SCGB2A1: variants seen among roughly 807,000 people sequenced by gnomAD.
SCGB2A1 encodes the protein secretoglobin family 2A member 1, also known as mammaglobin-B.
In SCGB2A1, 6 loss-of-function variants were observed where a neutral mutation model predicts 9.2. That is an observed-to-expected ratio of 0.66 (90% confidence interval 0.36 to 1.29). SCGB2A1 has a LOEUF of 1.29. Ranked by LOEUF, SCGB2A1 falls within the 50% of genes most tolerant of loss-of-function variation. The probability of loss-of-function intolerance (pLI) is 0.03; values close to 1 mark genes in which losing one functional copy is unlikely to be tolerated. For missense variants in SCGB2A1, 138 were observed against 116.9 expected, an observed-to-expected ratio of 1.18 and a Z score of -0.83; for synonymous variants, 37 against 41.0, an observed-to-expected ratio of 0.90 and a Z score of 0.37.
chr11:62,208,702 C>T lies in SCGB2A1; in HGVS notation c.-30C>T, dbSNP rs753823729. 1.3e-5 allele frequency: 21 copies of T among 1,612,398 alleles called. No individual in the cohort carries two copies. In the Admixed American group the frequency reaches 1.7e-4, roughly 13 times the overall value. On this transcript the variant is annotated 5_prime_UTR_variant, in exon 1 of 3. The change creates a new upstream start codon in the 5' untranslated region. Transcript: ENST00000244930. ...CAACTTCCTTGATCCCTGCCACGCA[C>T]GACTGAACACAGACAGCAGCCGCCT...
intron 2 of SCGB2A1, among the ~76,000 whole-genome samples, chr11:62,212,917 T>C (rs113519508): frequency 0.018 from 2,554 of 143,690 alleles, 90 homozygotes; most frequent in African/African-American, 0.063. Flanking sequence ...TACATATATA[T>C]ACACACACAC....
At chr11:62,211,213 C>T (rs949824900) in intron 2 of SCGB2A1, among the ~76,000 whole-genome samples, 2 of 151,702 alleles carry the variant, frequency 1.3e-5, no homozygotes, top group Admixed American at 1.3e-4. Flanking sequence ...TCTGAGCCCC[C>T]GCACCCAGCC....
chr11:62,213,516 G>T (rs1387602913), intron 2 of SCGB2A1: 11 of 514,148 alleles, frequency 2.1e-5, no homozygotes, highest in Non-Finnish European at 3.8e-5. Flanking sequence ...GTAGGGAAGA[G>T]ATCCTACAAC....
At chr11:62,208,929 A>C in intron 1 of SCGB2A1, 143 bp downstream of exon 1, 1 of 703,982 alleles carries the variant, frequency 1.4e-6, no homozygotes, top group Non-Finnish European at 2.4e-6. Flanking sequence ...GATCCCCATG[A>C]GTTCCTGACA....
intron 2 of SCGB2A1, among the ~76,000 whole-genome samples, chr11:62,213,093 T>C (rs200782382): frequency 0.074 from 1,067 of 14,472 alleles, 52 homozygotes; most frequent in African/African-American, 0.1. Flanking sequence ...TATATACACA[T>C]ATATATATAT....
intron 2 of SCGB2A1, among the ~76,000 whole-genome samples, chr11:62,211,470 G>A (rs564430007): frequency 5.0e-4 from 76 of 152,132 alleles, no homozygotes; most frequent in Middle Eastern, 3.4e-3. Context: ...CATGATCTTC[G>A]TTCACTGCAA....
rs1565121434 is a variant in SCGB2A1 at position 62,213,022 on chromosome 11, A to ACG, written c.244-703_244-702insGC. On this transcript the variant is annotated intron_variant, in intron 2 of 2. Transcript: ENST00000244930. ...TATGTACACATATATGCACATATAT[A>ACG]CATATATACACACATATATACATAT... Among the ~76,000 whole-genome samples the ACG allele has an allele frequency of 1.4e-3, 89 of 61,742 alleles. 1 individual carries two copies. The highest frequency in any genetic ancestry group is 4.3e-3 in the African/African-American group (87 of 20,318). The allele number at this position is 61,742 out of a possible 152,430, so 40.5% of individuals were successfully genotyped here.
In SCGB2A1 at chr11:62,210,421, T is replaced by G; in HGVS notation, c.64T>G (p.Cys22Gly). The G allele has an allele frequency of 1.4e-6, 2 of 1,394,132 alleles. No individual in the cohort carries two copies. The highest frequency in any genetic ancestry group is 1.6e-5 in the African/African-American group (1 of 63,358). The allele number at this position is 1,394,132 out of a possible 1,614,324, so 86.4% of individuals were successfully genotyped here. ...LLLHCYADSG[C>G]KLLEDMVEKT... The stretch of plus-strand genomic sequence containing the variant: ...TTTTTTTTTTTTTCCAGATTCTGGC[T>G]GCAAACTCCTGGAGGACATGGTTGA... The change falls in exon 2 of 3, where the codon TGC (cysteine) becomes GGC (glycine). Residue 22 changes from cysteine (C) to glycine (G), a missense_variant. Cys to Gly is a radical substitution (Grantham distance 159). Coordinates refer to ENST00000244930, the MANE Select transcript of SCGB2A1 (RefSeq NM_002407.3).
At position 62,213,775 on chromosome 11, in the gene SCGB2A1, A is replaced by G. The variant is rs1299183863; in HGVS notation, c.*5A>G. On this transcript the variant is annotated 3_prime_UTR_variant, in exon 3 of 3. Coordinates refer to ENST00000244930, the MANE Select transcript of SCGB2A1 (RefSeq NM_002407.3). ...TGTAATATGAAGAGTAATTAACTTT[A>G]CCCAAGGCGTTTGGCTCAGAGGGCT... The G allele has an allele frequency of 6.2e-7, 1 of 1,613,678 alleles. No individual in the cohort carries two copies. The highest frequency in any genetic ancestry group is 8.5e-7 in the Non-Finnish European group (1 of 1,179,746).
chr11:62,213,034 A>G (rs1944847667), intron 2 of SCGB2A1, among the ~76,000 whole-genome samples: 1 of 130,040 alleles, frequency 7.7e-6, no homozygotes, highest in East Asian at 2.0e-4. Flanking sequence ...ATATATACAC[A>G]CATATATACA....
At chr11:62,210,688 C>G in intron 2 of SCGB2A1, 88 bp downstream of exon 2, 2 of 1,013,630 alleles carry the variant, frequency 2.0e-6, no homozygotes, top group Non-Finnish European at 2.8e-6. Flanking sequence ...TGCCAAGCAA[C>G]TGGTGAACAA....
At chr11:62,208,930 G>T (rs1489579337) in intron 1 of SCGB2A1, 144 bp downstream of exon 1, 3 of 704,350 alleles carry the variant, frequency 4.3e-6, no homozygotes, top group African/African-American at 1.8e-5. Flanking sequence ...ATCCCCATGA[G>T]TTCCTGACAA....
Position 62,208,674 on chromosome 11 carries a change from C to T in SCGB2A1, c.-58C>T, listed in dbSNP as rs1944803315. ...GAGCAGGGCTGGGTACTCACCTCCA[C>T]AGCAACTTCCTTGATCCCTGCCACG... On this transcript the variant is annotated 5_prime_UTR_variant, in exon 1 of 3. Coordinates refer to ENST00000244930, the MANE Select transcript of SCGB2A1 (RefSeq NM_002407.3). 4 of 1,582,076 alleles carry T rather than the reference C, an allele frequency of 2.5e-6. No individual in the cohort carries two copies. In the African/African-American group the frequency reaches 5.4e-5, roughly 21 times the overall value.
intron 2 of SCGB2A1, among the ~76,000 whole-genome samples, chr11:62,212,988 A>G (rs55645185): frequency 0.26 from 35,914 of 137,318 alleles, 6,559 homozygotes; most frequent in Middle Eastern, 0.46. Context: ...GTGCACATAT[A>G]CATGCATATA....
rs368463097 is a variant in SCGB2A1, at chr11:62,208,691, C to T, written c.-41C>T. 1.2e-5 allele frequency: 19 copies of T among 1,608,914 alleles called. No individual in the cohort carries two copies. In the East Asian group the frequency reaches 3.1e-4, roughly 26 times the overall value. On this transcript the variant is annotated 5_prime_UTR_variant, in exon 1 of 3. Coordinates refer to ENST00000244930, the MANE Select transcript of SCGB2A1 (RefSeq NM_002407.3). ...CACCTCCACAGCAACTTCCTTGATC[C>T]CTGCCACGCACGACTGAACACAGAC...
chr11:62,211,986 G>A (rs182150139), intron 2 of SCGB2A1, among the ~76,000 whole-genome samples: 112 of 152,162 alleles, frequency 7.4e-4, no homozygotes, highest in East Asian at 4.9e-3. Context: ...GCAATGGCAC[G>A]ATCTCGGCTC....
Position 62,208,787 on chromosome 11 carries a change from G to A in SCGB2A1, c.55+1G>A. On this transcript the variant is annotated splice_donor_variant, in intron 1 of 2. Coordinates refer to ENST00000244930, the MANE Select transcript of SCGB2A1 (RefSeq NM_002407.3). LOFTEE classifies it high-confidence loss of function. ...GCCCTCCTCCTGCACTGCTATGCAG[G>A]TGAGTTCTGGGCAGAGAGGGCTGCT... The A allele has an allele frequency of 2.5e-6, 4 of 1,613,056 alleles. No homozygotes were observed. The highest frequency in any genetic ancestry group is 3.4e-6 in the Non-Finnish European group (4 of 1,179,814).
At chr11:62,209,670 T>C (rs1460961762) in intron 1 of SCGB2A1, among the ~76,000 whole-genome samples, 10 of 131,490 alleles carry the variant, frequency 7.6e-5, no homozygotes, top group African/African-American at 2.7e-4. Flanking sequence ...TGTGTGTGTG[T>C]GTGTGTGTTT....
intron 1 of SCGB2A1, 125 bp downstream of exon 1, chr11:62,208,911 G>A: frequency 2.3e-6 from 2 of 859,050 alleles, no homozygotes; most frequent in South Asian, 1.6e-5. Flanking sequence ...GGGTGCGATA[G>A]GCCTTAGGAT....
Sources: allele counts gnomAD v4.1 joint callset (sites outside exome capture counted in the v4.1 genomes callset), GRCh38; gene constraint gnomAD v4.1.1; transcripts MANE v1.5; gene names NCBI Gene and HGNC (gene_info 2026-07-23, HGNC 2026-07-21).